ARMC3: variants seen among roughly 807,000 people sequenced by gnomAD.
ARMC3 encodes armadillo repeat-containing protein 3.
Under a neutral mutation model 90.3 loss-of-function variants are expected in ARMC3, and 74 were observed. The observed-to-expected ratio is 0.82, with a 90% CI of 0.68 to 0.99. ARMC3 has a LOEUF of 0.99. Among genes scored for constraint, ARMC3 ranks in the 50% least tolerant of loss-of-function variants. The pLI is 0.00. For synonymous variants in ARMC3, 334 were observed against 361.8 expected (o/e 0.92, Z 0.87); for missense variants, 958 against 1,042.8 (o/e 0.92, Z 1.12).
intron 2 of ARMC3, among the ~76,000 whole-genome samples, chr10:22,943,505 G>A (rs1834403161): frequency 6.6e-6 from 1 of 151,254 alleles, no homozygotes; most frequent in African/African-American, 2.4e-5. Flanking sequence ...ATAATAGCTG[G>A]GCAACATTCC....
At chr10:22,960,303 C>T (rs1160467086) in intron 6 of ARMC3, 1 of 154,762 alleles carries the variant, frequency 6.5e-6, no homozygotes, top group Non-Finnish European at 1.4e-5. Flanking sequence ...TTTTAAATGG[C>T]CATTAATAGA....
intron 8 of ARMC3, among the ~76,000 whole-genome samples, chr10:22,971,235 A>G (rs761941277): frequency 6.6e-6 from 1 of 152,164 alleles, no homozygotes; most frequent in Non-Finnish European, 1.5e-5. Context: ...TCTTAGGGCC[A>G]AAGAATATCC....
At chr10:22,980,909 CA>C (rs760310076) in intron 8 of ARMC3, among the ~76,000 whole-genome samples, 5 of 152,180 alleles carry the variant, frequency 3.3e-5, no homozygotes, top group Non-Finnish European at 7.4e-5. Context: ...AGGTCGTAAG[CA>C]TCTAGCTCAC....
At chr10:22,930,640 G>A (rs184481864) in intron 1 of ARMC3, among the ~76,000 whole-genome samples, 2 of 152,274 alleles carry the variant, frequency 1.3e-5, no homozygotes, top group African/African-American at 2.4e-5. Flanking sequence ...GCTTTTTAAT[G>A]TATGTGATAA....
intron 13 of ARMC3, among the ~76,000 whole-genome samples, chr10:23,003,697 T>C (rs1837434342): frequency 6.6e-6 from 1 of 152,164 alleles, no homozygotes; most frequent in Admixed American, 6.5e-5. Context: ...TGGTGATGCA[T>C]ATCTGTAGTC....
intron 15 of ARMC3, 114 bp downstream of exon 15, chr10:23,008,488 T>C: frequency 1.5e-6 from 1 of 676,860 alleles, no homozygotes; most frequent in Admixed American, 3.1e-5. Flanking sequence ...CTTATGGTAA[T>C]ACAATTGCAT....
At chr10:22,999,652 A>C (rs1278777211) in intron 11 of ARMC3, among the ~76,000 whole-genome samples, 1 of 152,232 alleles carries the variant, frequency 6.6e-6, no homozygotes, top group Non-Finnish European at 1.5e-5. Context: ...GATGAGGAAA[A>C]TGAGGCTTAA....
In ARMC3 at chr10:23,005,082, G is replaced by A. The variant is rs192795807; in HGVS notation, c.1731+1668G>A. Among the ~76,000 whole-genome samples, 288 of 151,920 alleles carry A rather than the reference G, an allele frequency of 1.9e-3. 3 individuals are homozygous for A. Among genetic ancestry groups the A allele is most frequent in the African/African-American group, 6.5e-3 (270 of 41,418 alleles). On this transcript the variant is annotated intron_variant, in intron 13 of 18. Transcript: ENST00000298032. ...CAAAAAATTAGCCGGGCGTGGTGGC[G>A]GGTGCCTGTAGTCCCAGCTACTCCG...
At chr10:22,984,080 C>T (rs1177861259) in intron 10 of ARMC3, among the ~76,000 whole-genome samples, 1 of 152,174 alleles carries the variant, frequency 6.6e-6, no homozygotes, top group African/African-American at 2.4e-5. Context: ...AGTTAACTTC[C>T]TCCAGGTGCA....
At chr10:23,010,488 T>C (rs1837908863) in intron 16 of ARMC3, among the ~76,000 whole-genome samples, 1 of 37,620 alleles carries the variant, frequency 2.7e-5, no homozygotes, top group Non-Finnish European at 4.8e-5. Context: ...CCTCCCTCCT[T>C]CCTTTCCCTC....
intron 16 of ARMC3, 47 bp from the exon 17 acceptor site, chr10:23,030,549 T>G (rs897005587): frequency 8.3e-6 from 13 of 1,565,466 alleles, no homozygotes; most frequent in Non-Finnish European, 1.1e-5. Context: ...ATTGTTTGTT[T>G]GTTTAGCAGA....
intron 10 of ARMC3, among the ~76,000 whole-genome samples, chr10:22,992,112 A>G (rs1208606086): frequency 2.0e-5 from 3 of 152,224 alleles, no homozygotes; most frequent in Non-Finnish European, 2.9e-5. Flanking sequence ...GGTAGCATGT[A>G]TGGAAGTGAA....
chr10:22,932,033 C>T lies in ARMC3; in HGVS notation c.37C>T (p.Pro13Ser), dbSNP rs779874286. Residue 13 changes from proline (P) to serine (S), a missense_variant, in exon 2 of 19, where the codon CCT (proline) becomes TCT (serine). Physicochemically the swap from Pro to Ser is moderately conservative, Grantham distance 74 (BLOSUM62 -1). Coordinates refer to ENST00000298032, the MANE Select transcript of ARMC3 (RefSeq NM_173081.5). ...GATAAAGAAGGAAGTAGAGCCTCCT[C>T]CTAAGGATGTGGTAAGTTTCTGATT... ...KKIKKEVEPP[P>S]KDVFDPLMIE... The T allele has an allele frequency of 1.9e-5, 30 of 1,600,706 alleles. No homozygotes were observed. Among genetic ancestry groups the T allele is most frequent in the Non-Finnish European group, 2.5e-5 (29 of 1,176,074 alleles).
chr10:23,028,373 CA>C, intron 16 of ARMC3, among the ~76,000 whole-genome samples: 1 of 143,304 alleles, frequency 7.0e-6, no homozygotes, highest in South Asian at 2.3e-4. Context: ...TACTTCATTT[CA>C]AGAGTATTTG....
At chr10:22,938,215 C>T (rs1273390365) in intron 2 of ARMC3, among the ~76,000 whole-genome samples, 1 of 152,008 alleles carries the variant, frequency 6.6e-6, no homozygotes, top group African/African-American at 2.4e-5. Context: ...CCAGCCAGAC[C>T]ACAGTAACTA....
intron 2 of ARMC3, among the ~76,000 whole-genome samples, chr10:22,941,049 A>G (rs954989409): frequency 6.6e-6 from 1 of 152,200 alleles, no homozygotes; most frequent in Admixed American, 6.5e-5. Context: ...TCCATGAAAC[A>G]TGGATCTCAA....
At chr10:22,967,074 G>T (rs941648370) in intron 7 of ARMC3, among the ~76,000 whole-genome samples, 2 of 152,132 alleles carry the variant, frequency 1.3e-5, no homozygotes, top group Non-Finnish European at 2.9e-5. Flanking sequence ...CCACAGGTTA[G>T]ACCAGTAGGC....
In ARMC3 at chr10:23,037,253, C is replaced by G. The variant is rs1434016431; in HGVS notation, c.2410-17C>G. The G allele has an allele frequency of 1.3e-6, 2 of 1,565,030 alleles. No homozygotes were observed. The highest frequency in any genetic ancestry group is 8.7e-7 in the Non-Finnish European group (1 of 1,150,326). ...CTCCCGCACCACCCTTGGTTGATCT[C>G]TTGTTTTCTCCTGCAGGCTCTGGCT... On this transcript the variant is annotated splice_polypyrimidine_tract_variant and intron_variant, in intron 18 of 18. Coordinates refer to ENST00000298032, the MANE Select transcript of ARMC3 (RefSeq NM_173081.5).
At chr10:23,029,328 G>C (rs540875785) in intron 16 of ARMC3, among the ~76,000 whole-genome samples, 1 of 152,176 alleles carries the variant, frequency 6.6e-6, no homozygotes, top group East Asian at 1.9e-4. Flanking sequence ...TTCAAATTTT[G>C]TTCTTCTCTG....
Sources: gnomAD v4.1 joint callset for allele counts (sites outside exome capture counted in the v4.1 genomes callset) on GRCh38, gnomAD v4.1.1 for gene constraint, MANE v1.5 for transcripts, NCBI Gene and HGNC (gene_info 2026-07-23, HGNC 2026-07-21) for gene names.